Variants in TIAM2 observed in about 807,000 individuals in gnomAD.
The protein encoded by TIAM2 is rho guanine nucleotide exchange factor TIAM2.
A neutral mutation model predicts 152.9 loss-of-function variants in TIAM2; 80 were observed. The observed-to-expected ratio is 0.52, with a 90% CI of 0.44 to 0.63. The LOEUF (loss-of-function observed/expected upper bound fraction) is 0.63. TIAM2 is among the 30% of genes least tolerant of loss of function. The pLI, the probability that TIAM2 is intolerant of heterozygous loss-of-function variation, is 0.00. For missense variants in TIAM2, 1,965 were observed against 2,120.1 expected (o/e 0.93, Z 1.44); for synonymous variants, 804 against 838.0 (o/e 0.96, Z 0.70).
chr6:155,040,359 T>C (rs1025946122), intron 1 of TIAM2, among the ~76,000 whole-genome samples: 1 of 152,122 alleles, frequency 6.6e-6, no homozygotes, highest in African/African-American at 2.4e-5. Context: ...AAAGCACCAC[T>C]TAGTGACCAG....
Position 155,250,473 on chromosome 6 carries a change from ACAGGAAAGGACTGGAGAT to A in TIAM2, c.3952-436_3952-419del, listed in dbSNP as rs111776780. Reference sequence around the variant, plus strand: ...ATAGTTTAGGGAGAAAATGGCAGGAACAGGAAAGGACTGGAGATCAGTCCTTCACTCTGGCCAGTTTCA... The same window carrying A: ...ATAGTTTAGGGAGAAAATGGCAGGAACAGTCCTTCACTCTGGCCAGTTTCA... On this transcript the variant is annotated intron_variant, in intron 21 of 26. Transcript: ENST00000682666. 415 of 1,357,358 alleles carry A rather than the reference ACAGGAAAGGACTGGAGAT, an allele frequency of 3.1e-4. No homozygotes were observed. The African/African-American group carries it at 4.6e-3, about 15-fold the overall frequency. 84.1% of individuals were successfully genotyped at this position (1,357,358 alleles called of 1,614,324 possible).
At chr6:155,069,976 G>T (rs745656326) in intron 1 of TIAM2, among the ~76,000 whole-genome samples, 1 of 145,946 alleles carries the variant, frequency 6.9e-6, no homozygotes, top group Admixed American at 7.1e-5. Flanking sequence ...GTAGTGGCTC[G>T]ATTTTGGCTC....
intron 5 of TIAM2, among the ~76,000 whole-genome samples, chr6:155,142,675 C>G (rs1779736550): frequency 1.3e-5 from 2 of 152,206 alleles, no homozygotes; most frequent in South Asian, 4.1e-4. Flanking sequence ...AGATACTGGC[C>G]AGGCCTGCAA....
chr6:155,089,303 T>C (rs1030201232), intron 1 of TIAM2, among the ~76,000 whole-genome samples: 13 of 152,122 alleles, frequency 8.5e-5, no homozygotes, highest in African/African-American at 3.1e-4. Context: ...TTGCAACCTC[T>C]GCCTCCAATT....
At chr6:155,058,387 A>G (rs1486093965) in intron 1 of TIAM2, among the ~76,000 whole-genome samples, 1 of 152,212 alleles carries the variant, frequency 6.6e-6, no homozygotes, top group Non-Finnish European at 1.5e-5. Context: ...CAGAGAAGCA[A>G]TTCCAGCCTG....
At chr6:155,045,840 C>CTTTTTTTTT (rs11354850) in intron 1 of TIAM2, among the ~76,000 whole-genome samples, 2 of 60,494 alleles carry the variant, frequency 3.3e-5, no homozygotes, top group African/African-American at 6.8e-5. Context: ...ATAGTGCCCT[C>CTTTTTTTTT]TTTTTTTTTT....
intron 14 of TIAM2, among the ~76,000 whole-genome samples, chr6:155,204,201 C>A (rs898518642): frequency 6.6e-6 from 1 of 152,026 alleles, no homozygotes; most frequent in Admixed American, 6.5e-5. Context: ...TTATTTTTTC[C>A]CCACAGCTAT....
chr6:155,155,888 CTG>C (rs1780095304), intron 7 of TIAM2, among the ~76,000 whole-genome samples: 1 of 152,234 alleles, frequency 6.6e-6, no homozygotes, highest in Non-Finnish European at 1.5e-5. Context: ...AAAGAAGTCA[CTG>C]TCTCTGCCCT....
At chr6:155,178,977 C>T in intron 10 of TIAM2, 62 bp from the exon 11 acceptor site, 1 of 1,297,982 alleles carries the variant, frequency 7.7e-7, no homozygotes, top group Non-Finnish European at 1.1e-6. Context: ...AATAAGCCTG[C>T]TAACCAATGA....
chr6:155,073,514 C>T (rs886920079), intron 1 of TIAM2, among the ~76,000 whole-genome samples: 4 of 152,136 alleles, frequency 2.6e-5, no homozygotes, highest in African/African-American at 9.7e-5. Context: ...CCAAGTCCTA[C>T]TTTATATAAT....
At position 155,130,360 on chromosome 6, in the gene TIAM2, G is replaced by A. The variant is rs1282115441; in HGVS notation, c.1137G>A (p.Arg379=). Residue 379 remains arginine, a synonymous_variant, in exon 4 of 27, where the codon AGG becomes AGA. Transcript: ENST00000682666. ...CGAAGAAGGACTCCCTCAAAGCCAG[G>A]ATGCGACGGATCAGTGACTGGACGG... ...DTAKKDSLKA[R]MRRISDWTGS... 1 of 1,614,038 alleles carries A rather than the reference G, an allele frequency of 6.2e-7. No individual in the cohort carries two copies. The highest frequency in any genetic ancestry group is 1.1e-5 in the South Asian group (1 of 91,072).
At chr6:155,015,270 T>TG (rs1423205362) in intron 1 of TIAM2, among the ~76,000 whole-genome samples, 4 of 152,052 alleles carry the variant, frequency 2.6e-5, no homozygotes, top group African/African-American at 7.2e-5. Flanking sequence ...CTAATGGAGT[T>TG]GGGGGAAGAT....
chr6:155,164,979 C>T (rs1265394601), intron 8 of TIAM2, among the ~76,000 whole-genome samples: 1 of 152,094 alleles, frequency 6.6e-6, no homozygotes, highest in African/African-American at 2.4e-5. Flanking sequence ...TTTTTGAAGT[C>T]GTACCCATTT....
chr6:155,025,195 T>C (rs1463283494), intron 1 of TIAM2, among the ~76,000 whole-genome samples: 1 of 61,258 alleles, frequency 1.6e-5, no homozygotes, highest in African/African-American at 6.1e-5. Context: ...AATTTTTGTA[T>C]TTTTTTTTTT....
intron 1 of TIAM2, among the ~76,000 whole-genome samples, chr6:155,042,440 A>G (rs139824978): frequency 0.028 from 4,323 of 152,272 alleles, 209 homozygotes; most frequent in African/African-American, 0.099. Context: ...TACTAAAAAT[A>G]CAAAAATTAG....
chr6:155,112,344 C>T (rs1778876754), intron 2 of TIAM2, among the ~76,000 whole-genome samples: 1 of 152,032 alleles, frequency 6.6e-6, no homozygotes, highest in African/African-American at 2.4e-5. Context: ...AGGCTGGTCT[C>T]GAACTCCTGA....
chr6:155,003,596 G>C (rs1015273760), intron 1 of TIAM2, among the ~76,000 whole-genome samples: 1 of 152,208 alleles, frequency 6.6e-6, no homozygotes, highest in African/African-American at 2.4e-5. Flanking sequence ...TGTGGGCCAA[G>C]TCTCCACCGG....
chr6:155,085,296 G>C (rs1778151072), intron 1 of TIAM2, among the ~76,000 whole-genome samples: 1 of 152,196 alleles, frequency 6.6e-6, no homozygotes, highest in South Asian at 2.1e-4. Context: ...ATGAATTTGA[G>C]AGAAAATTTT....
chr6:155,020,278 A>C (rs995526260), intron 1 of TIAM2, among the ~76,000 whole-genome samples: 1 of 152,198 alleles, frequency 6.6e-6, no homozygotes, highest in African/African-American at 2.4e-5. Flanking sequence ...AGAGTGATGG[A>C]TAAATATCTG....
Sources: allele counts gnomAD v4.1 joint callset (sites outside exome capture counted in the v4.1 genomes callset), GRCh38; gene constraint gnomAD v4.1.1; transcripts MANE v1.5; gene names NCBI Gene and HGNC (gene_info 2026-07-23, HGNC 2026-07-21).